The following PEX13 variants were observed in gnomAD, a reference collection of about 807,000 sequenced individuals.
PEX13 encodes peroxisome biogenesis factor 13.
Under a neutral mutation model 34.5 loss-of-function variants are expected in PEX13, and 28 were observed. The ratio of observed to expected loss-of-function variants is 0.81; its 90% CI spans 0.60 to 1.11. The LOEUF (loss-of-function observed/expected upper bound fraction) is 1.11, where lower values mean the gene tolerates loss of function less well. Among genes scored for constraint, PEX13 ranks in the 50% most tolerant of loss-of-function variants. PEX13 has a pLI of 0.00. For synonymous variants in PEX13, 177 were observed against 175.1 expected, an observed-to-expected ratio of 1.01 and a Z score of -0.09; for missense variants, 550 against 491.0, an observed-to-expected ratio of 1.12 and a Z score of -1.13.
intron 1 of PEX13, among the ~76,000 whole-genome samples, chr2:61,030,904 G>T (rs750981740): frequency 6.6e-6 from 1 of 152,124 alleles, no homozygotes; most frequent in African/African-American, 2.4e-5. Flanking sequence ...TGAATATGGG[G>T]TTTCTTTTTT....
intron 2 of PEX13, among the ~76,000 whole-genome samples, chr2:61,037,541 G>A (rs1680555823): frequency 1.3e-5 from 2 of 152,104 alleles, no homozygotes; most frequent in Admixed American, 1.3e-4. Context: ...CGAAATGAAG[G>A]CAGAAATATG....
At chr2:61,043,071 T>C (rs1229983299) in intron 2 of PEX13, among the ~76,000 whole-genome samples, 1 of 152,186 alleles carries the variant, frequency 6.6e-6, no homozygotes, top group Admixed American at 6.5e-5. Flanking sequence ...CCTCCTGCCA[T>C]GTTATGACAC....
intron 2 of PEX13, among the ~76,000 whole-genome samples, chr2:61,043,538 T>C (rs1680660683): frequency 6.6e-6 from 1 of 152,166 alleles, no homozygotes; most frequent in African/African-American, 2.4e-5. Flanking sequence ...TTGCACCTGA[T>C]AATGGTGAAA....
At chr2:61,040,697 G>A (rs1040037345) in intron 2 of PEX13, among the ~76,000 whole-genome samples, 9 of 150,004 alleles carry the variant, frequency 6.0e-5, no homozygotes, top group African/African-American at 1.5e-4. Flanking sequence ...GTAACAAACC[G>A]GCACACTGTG....
chr2:61,032,502 A>G (rs777504018), intron 2 of PEX13, among the ~76,000 whole-genome samples: 12 of 152,190 alleles, frequency 7.9e-5, no homozygotes, highest in Non-Finnish European at 1.3e-4. Context: ...ACCTTTTTTA[A>G]TATGCAAGAC....
chr2:61,021,945 A>G (rs1473133827), intron 1 of PEX13, among the ~76,000 whole-genome samples: 1 of 152,240 alleles, frequency 6.6e-6, no homozygotes, highest in Non-Finnish European at 1.5e-5. Flanking sequence ...CGTGACCATT[A>G]GAAGGAAAAC....
chr2:61,020,645 T>C (rs1680239732), intron 1 of PEX13, among the ~76,000 whole-genome samples: 1 of 152,092 alleles, frequency 6.6e-6, no homozygotes, highest in African/African-American at 2.4e-5. Context: ...TATTTTATTT[T>C]ATTTTTATTT....
intron 2 of PEX13, among the ~76,000 whole-genome samples, chr2:61,038,300 C>T (rs1224943203): frequency 6.6e-6 from 1 of 152,084 alleles, no homozygotes; most frequent in Non-Finnish European, 1.5e-5. Context: ...GAGAAACACA[C>T]ACACAAAAGA....
intron 1 of PEX13, among the ~76,000 whole-genome samples, chr2:61,019,801 A>G (rs1295997672): frequency 6.6e-6 from 1 of 152,166 alleles, no homozygotes; most frequent in Non-Finnish European, 1.5e-5. Context: ...GTTTCCACAC[A>G]TTGCTGTTCT....
intron 3 of PEX13, 83 bp from the exon 4 acceptor site, chr2:61,048,389 C>A (rs545102627): frequency 1.7e-6 from 2 of 1,142,978 alleles, no homozygotes; most frequent in Admixed American, 1.7e-5. Context: ...ACAGATTTTC[C>A]TGAATGTGAT....
At chr2:61,048,439 T>A in intron 3 of PEX13, 33 bp from the exon 4 acceptor site, 1 of 1,584,878 alleles carries the variant, frequency 6.3e-7, no homozygotes, top group Non-Finnish European at 8.7e-7. Flanking sequence ...CAAAGTATAT[T>A]GTAATTACAA....
intron 2 of PEX13, among the ~76,000 whole-genome samples, chr2:61,042,360 A>G (rs897631587): frequency 2.0e-5 from 3 of 152,218 alleles, no homozygotes; most frequent in African/African-American, 7.2e-5. Flanking sequence ...TAGCATGATG[A>G]GTAATATATA....
chr2:61,041,954 AAG>A lies in PEX13; in HGVS notation c.788-3768_788-3767del, dbSNP rs200062621. Among the ~76,000 whole-genome samples, 173 of 152,326 alleles carry A rather than the reference AAG, an allele frequency of 1.1e-3. 5 individuals carry two copies. The East Asian group carries it at 0.032, about 28-fold the overall frequency. On this transcript the variant is annotated intron_variant, in intron 2 of 3. Coordinates refer to ENST00000295030, the MANE Select transcript of PEX13 (RefSeq NM_002618.4). ...AGGAGAGGAAATCGGTAATGATACAAAGAGATTTTTGAGGAGAAGCAAAATTG... is the reference window on the plus strand; with the variant it reads ...AGGAGAGGAAATCGGTAATGATACAAAGATTTTTGAGGAGAAGCAAAATTG...
At chr2:61,021,166 G>A (rs1447962953) in intron 1 of PEX13, among the ~76,000 whole-genome samples, 1 of 152,184 alleles carries the variant, frequency 6.6e-6, no homozygotes, top group Non-Finnish European at 1.5e-5. Context: ...ACTGGGACTG[G>A]TTGAACACTG....
chr2:61,044,324 C>T (rs920210351), intron 2 of PEX13, among the ~76,000 whole-genome samples: 2 of 152,166 alleles, frequency 1.3e-5, no homozygotes, highest in African/African-American at 2.4e-5. Context: ...GGCTGGAGTG[C>T]GTAGTGCAGT....
rs1474916590 is a variant in PEX13 at position 61,049,703 on chromosome 2, G to A, written c.*933G>A. 1 of 152,234 alleles carries A rather than the reference G, an allele frequency of 6.6e-6. No homozygotes were observed. The highest frequency in any genetic ancestry group is 2.4e-5 in the African/African-American group (1 of 41,448). 9.4% of individuals were successfully genotyped at this position (152,234 alleles called of 1,614,324 possible). On this transcript the variant is annotated 3_prime_UTR_variant, in exon 4 of 4. Coordinates refer to ENST00000295030, the MANE Select transcript of PEX13 (RefSeq NM_002618.4). ...CAGGAGAATTGCTTGAACCCCAGGAGGCGGAGGTTACGCTGAGCCGGAGAT... is the reference window on the plus strand; with the variant it reads ...CAGGAGAATTGCTTGAACCCCAGGAAGCGGAGGTTACGCTGAGCCGGAGAT...
intron 1 of PEX13, among the ~76,000 whole-genome samples, chr2:61,027,448 T>C (rs1050310954): frequency 3.3e-5 from 5 of 152,264 alleles, no homozygotes; most frequent in Middle Eastern, 3.4e-3. Context: ...GGAGGCCTTA[T>C]CACAGTCCTC....
At chr2:61,025,820 T>G (rs1680344482) in intron 1 of PEX13, among the ~76,000 whole-genome samples, 1 of 152,236 alleles carries the variant, frequency 6.6e-6, no homozygotes. Context: ...TTGAGCTGAT[T>G]TAAAACTTGG....
chr2:61,032,663 C>G (rs925324232), intron 2 of PEX13, among the ~76,000 whole-genome samples: 1 of 152,168 alleles, frequency 6.6e-6, no homozygotes, highest in African/African-American at 2.4e-5. Context: ...GAACTATAAA[C>G]AAAACCAGGA....
Sources: gnomAD v4.1 joint callset for allele counts (sites outside exome capture counted in the v4.1 genomes callset) on GRCh38, gnomAD v4.1.1 for gene constraint, MANE v1.5 for transcripts, NCBI Gene and HGNC (gene_info 2026-07-23, HGNC 2026-07-21) for gene names.